The following NIN variants were observed in gnomAD, a reference collection of about 807,000 sequenced individuals.
NIN encodes glycogen synthase kinase 3 beta-interacting protein.
NIN carries 137 observed loss-of-function variants against 257.6 expected under a neutral mutation model. The observed-to-expected ratio is 0.53, with a 90% CI of 0.46 to 0.61. The LOEUF (loss-of-function observed/expected upper bound fraction) is 0.61. Among genes scored for constraint, NIN ranks in the 20% least tolerant of loss-of-function variants. NIN has a pLI of 0.00. For synonymous variants in NIN, 918 were observed against 919.8 expected (o/e 1.00, Z 0.04); for missense variants, 2,439 against 2,501.2 (o/e 0.98, Z 0.53).
chr14:50,773,605 T>A (rs1424844866), intron 7 of NIN, among the ~76,000 whole-genome samples: 1 of 152,246 alleles, frequency 6.6e-6, no homozygotes, highest in East Asian at 1.9e-4. Flanking sequence ...CAATTAAGAT[T>A]TGGAATCTGA....
At chr14:50,773,315 T>A (rs1452988207) in intron 7 of NIN, among the ~76,000 whole-genome samples, 1 of 152,206 alleles carries the variant, frequency 6.6e-6, no homozygotes, top group Non-Finnish European at 1.5e-5. Context: ...ATCTTCATAA[T>A]CTTATGCAAT....
At chr14:50,809,371 G>C (rs1049912346) in intron 3 of NIN, among the ~76,000 whole-genome samples, 7 of 152,190 alleles carry the variant, frequency 4.6e-5, no homozygotes, top group Admixed American at 1.3e-4. Flanking sequence ...GAGTTGCCCA[G>C]CATCAAAGAA....
intron 3 of NIN, among the ~76,000 whole-genome samples, chr14:50,810,148 A>G (rs190873950): frequency 0.013 from 1,916 of 150,866 alleles, 15 homozygotes; most frequent in Non-Finnish European, 0.021. Flanking sequence ...GGAGAATGGC[A>G]TGAACCCGGG....
At chr14:50,740,081 A>G (rs1438348939) in intron 25 of NIN, among the ~76,000 whole-genome samples, 1 of 152,226 alleles carries the variant, frequency 6.6e-6, no homozygotes, top group East Asian at 1.9e-4. Flanking sequence ...AAAATTAAAA[A>G]GATAACACAA....
chr14:50,757,075 C>T lies in NIN; in HGVS notation c.3955G>A (p.Glu1319Lys), dbSNP rs190264984. Residue 1319 changes from glutamate to lysine, a missense_variant, in exon 18 of 31, where the codon GAG becomes AAG. Glu to Lys is a moderately conservative substitution (Grantham distance 56). Around this residue, in one of 3 missense-constraint regions of NIN, gnomAD observed 2,043 missense variants for 2,050.2 expected, o/e 1.00. Transcript: ENST00000530997. ...KSYDEVKIEN[E>K]GLNVLVLRLQ... ...CTCAAAACCAGAACATTCAGCCCCT[C>T]ATTTTCTATTTTGACCTCATCGTAA... The T allele has an allele frequency of 6.1e-5, 98 of 1,613,538 alleles. 1 individual carries two copies. In the Admixed American group the frequency reaches 1.6e-3, roughly 27 times the overall value.
At chr14:50,769,807 A>G (rs2042651954) in intron 12 of NIN, among the ~76,000 whole-genome samples, 1 of 151,860 alleles carries the variant, frequency 6.6e-6, no homozygotes, top group South Asian at 2.1e-4. Context: ...GCTGAGCATA[A>G]TAACATGAGC....
chr14:50,801,389 C>G (rs969750895), intron 4 of NIN, among the ~76,000 whole-genome samples: 1 of 152,186 alleles, frequency 6.6e-6, no homozygotes, highest in Non-Finnish European at 1.5e-5. Context: ...CCGTGCCCAG[C>G]CTGTTTTGCT....
intron 2 of NIN, among the ~76,000 whole-genome samples, chr14:50,828,995 G>A (rs12435618): frequency 0.026 from 3,884 of 152,186 alleles, 150 homozygotes; most frequent in Admixed American, 0.12. Context: ...CCTCTCTATT[G>A]CCCCCTGTGA....
rs531750933 is a variant in NIN at position 50,826,124 on chromosome 14, A to G, written c.-21-4047T>C. ...GTGCAATCCAGTGCTTTTCAGGGTC[A>G]GATCCTAACTGGTACCCACCAGAGG... On this transcript the variant is annotated intron_variant, in intron 2 of 30. Coordinates refer to ENST00000530997, the MANE Select transcript of NIN (RefSeq NM_020921.4). Among the ~76,000 whole-genome samples, 11 of 152,364 alleles carry G rather than the reference A, an allele frequency of 7.2e-5. No homozygotes were observed. The South Asian group carries it at 2.3e-3, about 32-fold the overall frequency.
intron 21 of NIN, among the ~76,000 whole-genome samples, chr14:50,749,937 C>A (rs753999132): frequency 6.6e-6 from 1 of 152,178 alleles, no homozygotes; most frequent in Non-Finnish European, 1.5e-5. Context: ...AAGTGATCCA[C>A]CTGCCTTGAC....
At chr14:50,827,756 C>CA (rs370926505) in intron 2 of NIN, among the ~76,000 whole-genome samples, 54,554 of 106,960 alleles carry the variant, frequency 0.51, 14,840 homozygotes, top group Non-Finnish European at 0.61. Context: ...GACTCCGTAT[C>CA]AAAAAAAAAA....
chr14:50,817,244 A>G (rs528579214), intron 3 of NIN, among the ~76,000 whole-genome samples: 1 of 152,310 alleles, frequency 6.6e-6, no homozygotes, highest in African/African-American at 2.4e-5. Flanking sequence ...ACTATTACAA[A>G]CCAATGGCAG....
intron 3 of NIN, among the ~76,000 whole-genome samples, chr14:50,807,721 C>T (rs2044393892): frequency 6.6e-6 from 1 of 152,122 alleles, no homozygotes; most frequent in Non-Finnish European, 1.5e-5. Flanking sequence ...GACAGATAAA[C>T]TTCCAAATCA....
At chr14:50,779,747 G>C (rs1339424795) in intron 5 of NIN, among the ~76,000 whole-genome samples, 1 of 150,236 alleles carries the variant, frequency 6.7e-6, no homozygotes, top group Non-Finnish European at 1.5e-5. Flanking sequence ...AACAGAGCGA[G>C]ACTCCGTCTC....
At chr14:50,735,439 C>T in intron 28 of NIN, 77 bp downstream of exon 28, 1 of 1,533,264 alleles carries the variant, frequency 6.5e-7, no homozygotes, top group Admixed American at 2.1e-5. Context: ...AATGCCATGT[C>T]TAGTCTCTCC....
At chr14:50,809,735 T>G (rs112168583) in intron 3 of NIN, among the ~76,000 whole-genome samples, 2,379 of 152,332 alleles carry the variant, frequency 0.016, 31 homozygotes, top group Non-Finnish European at 0.018. Flanking sequence ...ATCTATAATC[T>G]GGAATTAATT....
chr14:50,738,033 A>G (rs1255453158), intron 27 of NIN, 107 bp downstream of exon 27: 2 of 1,136,696 alleles, frequency 1.8e-6, no homozygotes, highest in Non-Finnish European at 2.5e-6. Flanking sequence ...ACATGCCAAA[A>G]TATGCCATCG....
chr14:50,741,246 T>C (rs2041266493), intron 25 of NIN, among the ~76,000 whole-genome samples: 2 of 152,184 alleles, frequency 1.3e-5, no homozygotes, highest in South Asian at 4.1e-4. Flanking sequence ...AACTCAGCCA[T>C]GGTCTTCTGA....
At chr14:50,798,589 ATC>A (rs1356834140) in intron 4 of NIN, among the ~76,000 whole-genome samples, 1 of 152,206 alleles carries the variant, frequency 6.6e-6, no homozygotes, top group Non-Finnish European at 1.5e-5. Context: ...CAACCAGCAG[ATC>A]TCTGTTAGGA....
Sources: allele counts gnomAD v4.1 joint callset (sites outside exome capture counted in the v4.1 genomes callset), GRCh38; gene constraint gnomAD v4.1.1; regional missense constraint gnomAD v4.1.1; transcripts MANE v1.5; gene names NCBI Gene and HGNC (gene_info 2026-07-23, HGNC 2026-07-21).